The following AKAP9 variants were observed in gnomAD, a reference collection of about 807,000 sequenced individuals.
AKAP9 encodes A-kinase anchor protein 9.
Under a neutral mutation model 488.5 loss-of-function variants are expected in AKAP9, and 311 were observed. The observed-to-expected ratio is 0.64, with a 90% CI of 0.58 to 0.70. The LOEUF is 0.70. Ranked by LOEUF, AKAP9 falls within the 30% of genes least tolerant of loss-of-function variation. The pLI is 0.00. For missense variants in AKAP9, 4,215 were observed against 4,374.5 expected (o/e 0.96, Z 1.03); for synonymous variants, 1,462 against 1,483.5 (o/e 0.99, Z 0.33).
rs1203106317 is a variant in AKAP9 at position 92,026,677 on chromosome 7, C to T, written c.4149-3218C>T. 6.6e-5 allele frequency among the ~76,000 whole-genome samples: 10 copies of T among 152,224 alleles called. No individual in the cohort carries two copies. The South Asian group carries it at 1.4e-3, about 22-fold the overall frequency. ...TGGAGTGCGTGGCGTGATCTCAGCTCGCTACAACCTCCACCTCCCAGCCGC... is the reference window on the plus strand; with the variant it reads ...TGGAGTGCGTGGCGTGATCTCAGCTTGCTACAACCTCCACCTCCCAGCCGC... On this transcript the variant is annotated intron_variant, in intron 14 of 49. Transcript: ENST00000356239.
At chr7:91,978,970 A>G (rs1395118972) in intron 2 of AKAP9, among the ~76,000 whole-genome samples, 1 of 127,458 alleles carries the variant, frequency 7.8e-6, no homozygotes, top group Non-Finnish European at 1.6e-5. Context: ...TAAAGACGAG[A>G]GTTCACCATT....
chr7:92,079,893 A>G lies in AKAP9; in HGVS notation c.7760A>G (p.Gln2587Arg). 1 of 1,614,046 alleles carries G rather than the reference A, an allele frequency of 6.2e-7. No individual in the cohort carries two copies. Among genetic ancestry groups the G allele is most frequent in the South Asian group, 1.1e-5 (1 of 91,052 alleles). Residue 2587 changes from glutamine (Q) to arginine (R), a missense_variant, in exon 31 of 50, where the codon CAG becomes CGG. Physicochemically the swap from Gln to Arg is conservative, Grantham distance 43 (BLOSUM62 1). Around this residue, in one of 5 missense-constraint regions of AKAP9, gnomAD observed 1,476 missense variants for 1,477.4 expected, o/e 1.00. Coordinates refer to ENST00000356239, the MANE Select transcript of AKAP9 (RefSeq NM_005751.5). The stretch of plus-strand genomic sequence containing the variant: ...TCAGAACCTGAAAGAACAAATATTC[A>G]GAATTTAAATCAACTAAGAGAAGAT... ...ISSEPERTNIQNLNQLREDEL... is the reference protein window; with the variant it reads ...ISSEPERTNIRNLNQLREDEL...
At chr7:92,035,156 A>G (rs1804981570) in intron 16 of AKAP9, among the ~76,000 whole-genome samples, 1 of 152,374 alleles carries the variant, frequency 6.6e-6, no homozygotes, top group African/African-American at 2.4e-5. Flanking sequence ...TTAAAGCTGC[A>G]TTCTGCAAAT....
intron 46 of AKAP9, 112 bp downstream of exon 46, chr7:92,102,938 G>C: frequency 1.0e-6 from 1 of 969,928 alleles, no homozygotes; most frequent in Non-Finnish European, 1.6e-6. Flanking sequence ...TATAGTAGGA[G>C]GTATGTGCCA....
rs1196481825 is a variant in AKAP9, at chr7:92,097,807, T to C, written c.10607+13T>C. The stretch of plus-strand genomic sequence containing the variant: ...AAGCCTCTGAGAGGTTAGACTTTTC[T>C]GCCTGATCTTTGGGAAAGTAGTATT... On this transcript the variant is annotated intron_variant, in intron 42 of 49. Transcript: ENST00000356239. The C allele has an allele frequency of 2.5e-6, 4 of 1,612,912 alleles. No individual in the cohort carries two copies. The highest frequency in any genetic ancestry group is 3.4e-6 in the Non-Finnish European group (4 of 1,179,002).
chr7:91,943,936 T>C (rs980218177), intron 1 of AKAP9, among the ~76,000 whole-genome samples: 1 of 152,222 alleles, frequency 6.6e-6, no homozygotes, highest in Admixed American at 6.5e-5. Flanking sequence ...AATCTAGTTT[T>C]GCAAACCACA....
At chr7:91,944,202 G>T (rs961323463) in intron 1 of AKAP9, among the ~76,000 whole-genome samples, 15 of 151,434 alleles carry the variant, frequency 9.9e-5, no homozygotes, top group African/African-American at 3.4e-4. Flanking sequence ...AGGTTAAAAA[G>T]AAAAAAGTTA....
chr7:91,968,533 C>T (rs1389179747), intron 1 of AKAP9, among the ~76,000 whole-genome samples: 2 of 152,060 alleles, frequency 1.3e-5, no homozygotes, highest in Non-Finnish European at 2.9e-5. Context: ...TTTATGTTTT[C>T]AGAAAAGCAA....
chr7:91,943,034 T>TA (rs35537409), intron 1 of AKAP9, among the ~76,000 whole-genome samples: 11,131 of 142,702 alleles, frequency 0.078, 697 homozygotes, highest in East Asian at 0.22. Flanking sequence ...AAAAATTAAA[T>TA]AAAAAAAAAA....
intron 13 of AKAP9, 129 bp downstream of exon 13, chr7:92,022,481 T>G: frequency 1.4e-6 from 1 of 690,978 alleles, no homozygotes; most frequent in Non-Finnish European, 2.5e-6. Flanking sequence ...TGATCTCAAT[T>G]TTTTCATCCT....
chr7:91,999,186 C>G (rs1182037242), intron 7 of AKAP9, among the ~76,000 whole-genome samples: 1 of 152,146 alleles, frequency 6.6e-6, no homozygotes, highest in Non-Finnish European at 1.5e-5. Context: ...GACGAGCTAC[C>G]TCAGAAGTGA....
chr7:92,012,737 G>A, intron 9 of AKAP9, 95 bp downstream of exon 9: 1 of 1,010,368 alleles, frequency 9.9e-7, no homozygotes, highest in South Asian at 1.4e-5. Context: ...AGAACCCACA[G>A]AGGAAGGTGA....
At chr7:91,964,532 C>G (rs1353107662) in intron 1 of AKAP9, among the ~76,000 whole-genome samples, 1 of 152,094 alleles carries the variant, frequency 6.6e-6, no homozygotes, top group Non-Finnish European at 1.5e-5. Context: ...ACCCTAAAAA[C>G]TCAGACTTCA....
intron 8 of AKAP9, among the ~76,000 whole-genome samples, chr7:92,005,208 C>G (rs1252884214): frequency 6.6e-6 from 1 of 152,136 alleles, no homozygotes; most frequent in Admixed American, 6.6e-5. Context: ...TGTGCTGCTG[C>G]ATTTGGTTTG....
At chr7:92,053,327 T>C (rs935019163) in intron 22 of AKAP9, among the ~76,000 whole-genome samples, 1 of 152,238 alleles carries the variant, frequency 6.6e-6, no homozygotes, top group Non-Finnish European at 1.5e-5. Context: ...TTGCTACTAC[T>C]TGATACCATT....
At chr7:91,976,483 A>G (rs547556237) in intron 2 of AKAP9, among the ~76,000 whole-genome samples, 35 of 152,304 alleles carry the variant, frequency 2.3e-4, no homozygotes, top group African/African-American at 7.7e-4. Context: ...TTAGCCTCCC[A>G]AAGTGCTAGG....
At chr7:92,041,514 G>A (rs1456779168) in intron 18 of AKAP9, 1 of 154,136 alleles carries the variant, frequency 6.5e-6, no homozygotes, top group African/African-American at 2.4e-5. Context: ...ATACTTCTTG[G>A]TATTTGGGAG....
At chr7:92,094,238 C>T (rs1319884540) in intron 39 of AKAP9, among the ~76,000 whole-genome samples, 1 of 151,972 alleles carries the variant, frequency 6.6e-6, no homozygotes, top group Non-Finnish European at 1.5e-5. Flanking sequence ...CTACTAGAAA[C>T]AGTTAATTTG....
At chr7:91,995,104 G>C (rs1307949346) in intron 6 of AKAP9, among the ~76,000 whole-genome samples, 1 of 152,074 alleles carries the variant, frequency 6.6e-6, no homozygotes, top group African/African-American at 2.4e-5. Context: ...TTTTAGTTAG[G>C]TTCTAAATGA....
Sources: allele counts gnomAD v4.1 joint callset (sites outside exome capture counted in the v4.1 genomes callset), GRCh38; gene constraint gnomAD v4.1.1; regional missense constraint gnomAD v4.1.1; transcripts MANE v1.5; gene names NCBI Gene and HGNC (gene_info 2026-07-23, HGNC 2026-07-21).